The following PCDH15 variants were observed in gnomAD, a reference collection of about 807,000 sequenced individuals.
PCDH15 encodes the protein protocadherin-15.
A neutral mutation model predicts 178.5 loss-of-function variants in PCDH15; 129 were observed. The observed-to-expected ratio is 0.72, with a 90% CI of 0.63 to 0.84. The LOEUF is 0.84. PCDH15 is among the 40% of genes least tolerant of loss of function. The pLI, the probability that PCDH15 is intolerant of heterozygous loss-of-function variation, is 0.00. For synonymous variants in PCDH15, 800 were observed against 732.0 expected (o/e 1.09, Z -1.50); for missense variants, 2,230 against 2,099.9 (o/e 1.06, Z -1.21).
intron 1 of PCDH15, among the ~76,000 whole-genome samples, chr10:54,727,114 G>T (rs1013163263): frequency 2.0e-5 from 3 of 151,370 alleles, no homozygotes; most frequent in Admixed American, 1.3e-4. Context: ...GATATCTATA[G>T]ATTTCTCCAA....
In PCDH15 at chr10:53,805,474, T is replaced by TA. The variant is rs139265171; in HGVS notation, c.*1104dup. 3.9e-4 allele frequency: 59 copies of TA among 152,194 alleles called. 1 individual carries two copies. The East Asian group carries it at 9.5e-3, about 24-fold the overall frequency. The allele number at this position is 152,194 out of a possible 1,614,324, so 9.4% of individuals were successfully genotyped here. ...AAATCAAGACCATGTTCTTTGATTT[T>TA]AAAAAATGCCCAGGCAATGATTTCC... On this transcript the variant is annotated 3_prime_UTR_variant, in exon 38 of 38. Coordinates refer to ENST00000644397, the MANE Select transcript of PCDH15 (RefSeq NM_001384140.1).
chr10:53,905,859 T>C (rs139320110), intron 25 of PCDH15, among the ~76,000 whole-genome samples: 252 of 151,980 alleles, frequency 1.7e-3, no homozygotes, highest in African/African-American at 5.9e-3. Context: ...TACTTAATTA[T>C]AATATTTTAA....
At chr10:55,550,693 C>T (rs866315813) in intron 2 of PCDH15, among the ~76,000 whole-genome samples, 2 of 152,044 alleles carry the variant, frequency 1.3e-5, no homozygotes, top group African/African-American at 4.8e-5. Context: ...TAAATCTGTT[C>T]TCAATGAAGA....
At chr10:54,905,214 A>C (rs954672897) in intron 2 of PCDH15, among the ~76,000 whole-genome samples, 9 of 151,844 alleles carry the variant, frequency 5.9e-5, no homozygotes, top group African/African-American at 1.9e-4. Flanking sequence ...AATAATATCA[A>C]AAGTATTTCT....
intron 2 of PCDH15, among the ~76,000 whole-genome samples, chr10:55,110,362 T>C (rs1837469601): frequency 6.6e-6 from 1 of 152,036 alleles, no homozygotes; most frequent in Admixed American, 6.6e-5. Context: ...ATGTTTTCAT[T>C]AAGAACCTAT....
intron 2 of PCDH15, among the ~76,000 whole-genome samples, chr10:55,450,603 T>A (rs765545417): frequency 1.1e-4 from 17 of 152,168 alleles, no homozygotes; most frequent in Non-Finnish European, 2.5e-4. Context: ...TGGTACATTG[T>A]TCAAATTCAT....
At chr10:54,356,041 C>A (rs2134356394) in intron 5 of PCDH15, among the ~76,000 whole-genome samples, 1 of 152,060 alleles carries the variant, frequency 6.6e-6, no homozygotes, top group East Asian at 1.9e-4. Context: ...CAGTCTTAAC[C>A]TAGTTCCCCA....
At chr10:54,184,917 G>C (rs2048353459) in intron 12 of PCDH15, among the ~76,000 whole-genome samples, 1 of 151,056 alleles carries the variant, frequency 6.6e-6, no homozygotes, top group South Asian at 2.1e-4. Context: ...TTTTTCTTCT[G>C]TGAGGAAGAA....
chr10:55,493,462 A>G (rs575493229), intron 2 of PCDH15, among the ~76,000 whole-genome samples: 1 of 151,722 alleles, frequency 6.6e-6, no homozygotes, highest in South Asian at 2.1e-4. Context: ...CAATTGATTG[A>G]GCCCAGGAGG....
chr10:54,526,684 ATTAC>A (rs1474513205), intron 3 of PCDH15, among the ~76,000 whole-genome samples: 4 of 152,202 alleles, frequency 2.6e-5, no homozygotes, highest in Non-Finnish European at 4.4e-5. Flanking sequence ...CATTTTTGTA[ATTAC>A]TTAATGTGGC....
intron 21 of PCDH15, among the ~76,000 whole-genome samples, chr10:53,972,826 CTT>C (rs1203524904): frequency 6.6e-6 from 1 of 152,142 alleles, no homozygotes; most frequent in Non-Finnish European, 1.5e-5. Flanking sequence ...AACAGGAACA[CTT>C]TTACACTGTT....
At chr10:54,028,780 G>T (rs1242832446) in intron 18 of PCDH15, among the ~76,000 whole-genome samples, 1 of 61,250 alleles carries the variant, frequency 1.6e-5, no homozygotes. Context: ...ACACTCTGGG[G>T]ACTGTTGTGG....
chr10:54,460,436 T>G (rs1055304657), intron 3 of PCDH15, among the ~76,000 whole-genome samples: 1 of 152,062 alleles, frequency 6.6e-6, no homozygotes, highest in East Asian at 1.9e-4. Flanking sequence ...TTTTAAAACG[T>G]CATTTCAGAA....
At chr10:54,796,956 A>G (rs142915396) in intron 1 of PCDH15, among the ~76,000 whole-genome samples, 40 of 152,180 alleles carry the variant, frequency 2.6e-4, no homozygotes, top group African/African-American at 8.9e-4. Flanking sequence ...TTGCATTTCC[A>G]TAAGGATTCA....
At position 53,822,588 on chromosome 10, in the gene PCDH15, G is replaced by C. The variant is rs768002239; in HGVS notation, c.4368-2358C>G. 3 of 1,613,938 alleles carry C rather than the reference G, an allele frequency of 1.9e-6. No individual in the cohort carries two copies. Among genetic ancestry groups the C allele is most frequent in the Non-Finnish European group, 1.7e-6 (2 of 1,179,950 alleles). ...CATACAAATAGGTGTCTCTCTCCTA[G>C]AGAGTGAAGAATGTAAAACACAAGG... is the stretch of plus-strand genomic sequence containing the variant. On this transcript the variant is annotated intron_variant, in intron 32 of 37. Coordinates refer to ENST00000644397, the MANE Select transcript of PCDH15 (RefSeq NM_001384140.1).
intron 3 of PCDH15, among the ~76,000 whole-genome samples, chr10:54,499,284 A>T (rs1407348521): frequency 2.0e-5 from 3 of 152,134 alleles, no homozygotes; most frequent in Non-Finnish European, 2.9e-5. Context: ...ACTAGCAAAG[A>T]TATTTGGGTT....
At chr10:54,463,203 A>G (rs1251242063) in intron 3 of PCDH15, among the ~76,000 whole-genome samples, 2 of 152,136 alleles carry the variant, frequency 1.3e-5, no homozygotes, top group African/African-American at 2.4e-5. Context: ...TTGATATAGG[A>G]TGTTGCTTTG....
intron 14 of PCDH15, among the ~76,000 whole-genome samples, chr10:54,141,440 GA>G (rs1013155902): frequency 6.6e-6 from 1 of 152,172 alleles, no homozygotes; most frequent in Admixed American, 6.5e-5. Context: ...AAAAGTAGAT[GA>G]GAATAGAAGT....
intron 6 of PCDH15, among the ~76,000 whole-genome samples, chr10:54,342,818 C>G (rs935063623): frequency 1.3e-5 from 2 of 152,158 alleles, no homozygotes; most frequent in Non-Finnish European, 2.9e-5. Context: ...GACATGGAGT[C>G]AAATGAGATT....
Sources: allele counts gnomAD v4.1 joint callset (sites outside exome capture counted in the v4.1 genomes callset), GRCh38; gene constraint gnomAD v4.1.1; transcripts MANE v1.5; gene names NCBI Gene and HGNC (gene_info 2026-07-23, HGNC 2026-07-21).